VILL: variants seen among roughly 807,000 people sequenced by gnomAD.
VILL encodes villin-like protein.
In VILL, 102 loss-of-function variants were observed where a neutral mutation model predicts 106.3. The ratio of observed to expected loss-of-function variants is 0.96; its 90% CI spans 0.82 to 1.13. VILL has a LOEUF of 1.13. VILL is among the 50% of genes most tolerant of loss of function. The pLI, the probability that VILL is intolerant of heterozygous loss-of-function variation, is 0.00. For synonymous variants in VILL, 431 were observed against 440.3 expected, an observed-to-expected ratio of 0.98 and a Z score of 0.27; for missense variants, 1,076 against 1,116.6, an observed-to-expected ratio of 0.96 and a Z score of 0.52.
At chr3:38,002,622 C>G in intron 14 of VILL, 47 bp downstream of exon 14, 1 of 1,580,244 alleles carries the variant, frequency 6.3e-7, no homozygotes, top group Non-Finnish European at 8.6e-7. Flanking sequence ...TGTAGTGGTG[C>G]CAGGCTGGGG....
At chr3:37,994,078 C>G in intron 3 of VILL, 106 bp downstream of exon 3, 1 of 1,486,344 alleles carries the variant, frequency 6.7e-7, no homozygotes, top group South Asian at 1.1e-5. Context: ...AGTTGAGAGC[C>G]GGAGAATCAC....
intron 14 of VILL, 197 bp downstream of exon 14, chr3:38,002,772 C>T (rs575545827): frequency 1.2e-4 from 79 of 670,182 alleles, no homozygotes; most frequent in South Asian, 1.0e-3. Flanking sequence ...CCTGAGAGTC[C>T]GCAGGTCAGA....
At chr3:37,988,449 T>C (rs541566467), upstream of VILL, among the ~76,000 whole-genome samples, 35 of 152,322 alleles carry the variant, frequency 2.3e-4, no homozygotes, top group African/African-American at 8.2e-4. Flanking sequence ...ATGGGGAGTC[T>C]ATGTTTAATG....
At chr3:38,002,668 C>T in intron 14 of VILL, 93 bp downstream of exon 14, 1 of 1,416,676 alleles carries the variant, frequency 7.1e-7, no homozygotes, top group Non-Finnish European at 9.6e-7. Context: ...GACTTTGAGT[C>T]CAGCCTCAGA....
rs1465037348 is a variant in VILL at position 37,994,385 on chromosome 3, T to TG, written c.266dup (p.Gln90ProfsTer34). The TG allele has an allele frequency of 2.5e-6, 4 of 1,612,214 alleles. No individual in the cohort carries two copies. Among genetic ancestry groups the TG allele is most frequent in the African/African-American group, 1.3e-5 (1 of 74,876 alleles). ...TTCCAGCAGCGCCTACAGGACGAGC[T>TG]GGGGGGCCAGACCGTGCTGCACCGC... On this transcript the variant is annotated frameshift_variant, in exon 4 of 20. Transcript: ENST00000383759. LOFTEE classifies it high-confidence loss of function.
rs200101412 is a variant in VILL, at chr3:37,997,568, C to T, written c.647C>T (p.Ala216Val). 1.4e-4 allele frequency: 219 copies of T among 1,614,088 alleles called. No homozygotes were observed. Among genetic ancestry groups the T allele is most frequent in the Non-Finnish European group, 1.8e-4 (213 of 1,180,022 alleles). ...QIGVVDDEAKAPDLMQIMEAV... is the reference protein window; with the variant it reads ...QIGVVDDEAKVPDLMQIMEAV... ...GGTGTGGTGGATGATGAGGCCAAAG[C>T]CCCGGACCTCATGCAGATCATGGAG... The change falls in exon 7 of 20, where the codon GCC becomes GTC. Residue 216 changes from alanine (A) to valine (V), a missense_variant. Physicochemically the swap from Ala to Val is moderately conservative, Grantham distance 64. Transcript: ENST00000383759. The surrounding 1 kb of genome is among the most constrained non-coding windows in gnomAD (Gnocchi z 4.7).
In VILL at chr3:37,997,292, C is replaced by T. The variant is rs551542809; in HGVS notation, c.561+105C>T. ...CAAAGAGTTGGGCTTGGCTCTGCTA[C>T]AACCCAAGAAACGCCTATGAGTTAC... On this transcript the variant is annotated intron_variant, in intron 6 of 19. Coordinates refer to ENST00000383759, the MANE Select transcript of VILL (RefSeq NM_015873.4). This position sits in a 1 kb window ranked among gnomAD's most constrained non-coding sequence, Gnocchi z 4.7. 2.0e-5 allele frequency: 26 copies of T among 1,306,950 alleles called. No individual in the cohort carries two copies. In the East Asian group the frequency reaches 5.9e-4, roughly 30 times the overall value. 81.0% of individuals were successfully genotyped at this position (1,306,950 alleles called of 1,614,324 possible).
chr3:37,994,964 A>G (rs1331128137), intron 4 of VILL, among the ~76,000 whole-genome samples: 2 of 152,274 alleles, frequency 1.3e-5, no homozygotes, highest in East Asian at 3.8e-4. Context: ...CATTTTATGA[A>G]TATACTACAT....
chr3:38,004,178 C>T (rs1699871103), intron 15 of VILL, 77 bp from the exon 16 acceptor site: 2 of 1,540,334 alleles, frequency 1.3e-6, no homozygotes, highest in Non-Finnish European at 1.8e-6. Flanking sequence ...CTTCCCAGGC[C>T]CTGGGGTGGG....
chr3:37,993,076 A>C (rs1274108330), intron 1 of VILL, among the ~76,000 whole-genome samples: 1 of 152,208 alleles, frequency 6.6e-6, no homozygotes, highest in Admixed American at 6.5e-5. Context: ...GGGAAGCCTC[A>C]GGTAATTGAA....
At chr3:37,992,747 T>C (rs762085696) in intron 1 of VILL, among the ~76,000 whole-genome samples, 65 of 152,110 alleles carry the variant, frequency 4.3e-4, no homozygotes, top group Non-Finnish European at 7.4e-4. Context: ...CCTCCTCCGC[T>C]CCCACATTTC....
chr3:37,988,277 A>G (rs984256252), upstream of VILL: 9 of 152,232 alleles, frequency 5.9e-5, no homozygotes, highest in Non-Finnish European at 8.8e-5. Flanking sequence ...GCAGCCGGGA[A>G]CGGCCATTGA....
intron 5 of VILL, among the ~76,000 whole-genome samples, chr3:37,996,189 C>G (rs1006208543): frequency 3.9e-5 from 6 of 152,108 alleles, no homozygotes; most frequent in Admixed American, 2.0e-4. Flanking sequence ...GACCCTGTCT[C>G]TGAAACAAAA....
At chr3:38,000,779 G>A (rs1252069308) in intron 11 of VILL, 1 of 424,682 alleles carries the variant, frequency 2.4e-6, no homozygotes, top group Non-Finnish European at 4.8e-6. Flanking sequence ...CGGCTCCCCA[G>A]GGACAACTGT....
At chr3:38,000,416 GGGA>G (rs1239506887) in intron 11 of VILL, among the ~76,000 whole-genome samples, 14 of 151,916 alleles carry the variant, frequency 9.2e-5, no homozygotes, top group Non-Finnish European at 2.9e-5. Flanking sequence ...GCAGAGGGAA[GGGA>G]GGAGGAGGTG....
In VILL at chr3:37,998,963, A is replaced by T; in HGVS notation, c.994A>T (p.Asn332Tyr). 1 of 1,610,682 alleles carries T rather than the reference A, an allele frequency of 6.2e-7. No homozygotes were observed. Reference protein sequence around the residue: ...YPTYTNVEVVNDGAESAAFKQ... With the variant: ...YPTYTNVEVVYDGAESAAFKQ... ...GACCTACACCAACGTGGAGGTGGTGAACGACGGCGCCGAGTCGGCCGCGTT... is the reference window on the plus strand; with the variant it reads ...GACCTACACCAACGTGGAGGTGGTGTACGACGGCGCCGAGTCGGCCGCGTT... The change falls in exon 10 of 20, where the codon AAC becomes TAC. Residue 332 changes from asparagine to tyrosine, a missense_variant. By Grantham distance (143) the Asn-to-Tyr change is moderately radical. Coordinates refer to ENST00000383759, the MANE Select transcript of VILL (RefSeq NM_015873.4). The surrounding 1 kb of genome is among the most constrained non-coding windows in gnomAD (Gnocchi z 4.1).
At chr3:38,000,166 C>T (rs1699786666) in intron 11 of VILL, among the ~76,000 whole-genome samples, 1 of 152,246 alleles carries the variant, frequency 6.6e-6, no homozygotes, top group Non-Finnish European at 1.5e-5. Flanking sequence ...GGGAACAGAA[C>T]TGCTGGGCCT....
intron 11 of VILL, chr3:38,000,930 TG>T: frequency 2.2e-6 from 1 of 457,022 alleles, no homozygotes; most frequent in South Asian, 1.5e-5. Flanking sequence ...AGGGCCTACC[TG>T]GGATTTGACC....
Position 37,998,767 on chromosome 3 carries a change from A to G in VILL, c.943-145A>G. Reference sequence around the variant, plus strand: ...AGGGACCTCAGAGAAGTCGGTGGTGACAGAGTCAATTCGCTAAGTGGGTCA... The same window carrying G: ...AGGGACCTCAGAGAAGTCGGTGGTGGCAGAGTCAATTCGCTAAGTGGGTCA... On this transcript the variant is annotated intron_variant, in intron 9 of 19. Coordinates refer to ENST00000383759, the MANE Select transcript of VILL (RefSeq NM_015873.4). The surrounding 1 kb of genome is among the most constrained non-coding windows in gnomAD (Gnocchi z 4.1). 1 of 1,382,392 alleles carries G rather than the reference A, an allele frequency of 7.2e-7. No individual in the cohort carries two copies. Among genetic ancestry groups the G allele is most frequent in the South Asian group, 1.5e-5 (1 of 65,000 alleles). 85.6% of individuals were successfully genotyped at this position (1,382,392 alleles called of 1,614,324 possible).
Sources: allele counts gnomAD v4.1 joint callset (sites outside exome capture counted in the v4.1 genomes callset), GRCh38; gene constraint gnomAD v4.1.1; non-coding constraint Gnocchi (gnomAD v3.1); transcripts MANE v1.5; gene names NCBI Gene and HGNC (gene_info 2026-07-23, HGNC 2026-07-21).